WAC: variants seen among roughly 807,000 people sequenced by gnomAD.
The protein encoded by WAC is WW domain-containing adapter protein with coiled-coil.
In WAC, 11 loss-of-function variants were observed where a neutral mutation model predicts 79.6. The ratio of observed to expected loss-of-function variants is 0.14; its 90% CI spans 0.09 to 0.23. WAC has a LOEUF of 0.23. WAC is among the 10% of genes least tolerant of loss of function. The pLI, the probability that WAC is intolerant of heterozygous loss-of-function variation, is 1.00. For missense variants in WAC, 728 were observed against 773.5 expected, an observed-to-expected ratio of 0.94 and a Z score of 0.70; for synonymous variants, 304 against 276.9, an observed-to-expected ratio of 1.10 and a Z score of -0.97.
intron 3 of WAC, among the ~76,000 whole-genome samples, chr10:28,573,006 A>G (rs1162189674): frequency 6.6e-6 from 1 of 152,236 alleles, no homozygotes; most frequent in African/African-American, 2.4e-5. Flanking sequence ...CCACCTAGGT[A>G]GAGGCAAAAT....
Position 28,583,416 on chromosome 10 carries a change from C to G in WAC, c.292C>G (p.Gln98Glu). 6.3e-7 allele frequency: 1 copy of G among 1,584,774 alleles called. No homozygotes were observed. The highest frequency in any genetic ancestry group is 8.6e-7 in the Non-Finnish European group (1 of 1,169,262). ...TTTTTAAGGGACCAGTTACTCTCCA[C>G]AAGAAAATTCACACAACCACAGTGC... ...ERDGGTSYSPQENSHNHSALH... is the reference protein window; with the variant it reads ...ERDGGTSYSPEENSHNHSALH... The change falls in exon 4 of 14, where the codon CAA becomes GAA. Residue 98 changes from glutamine (Q) to glutamate (E), a missense_variant. Coordinates refer to ENST00000354911, the MANE Select transcript of WAC (RefSeq NM_016628.5).
chr10:28,533,758 CCGCG>C, intron 1 of WAC, 138 bp downstream of exon 1: 1 of 1,073,576 alleles, frequency 9.3e-7, no homozygotes, highest in East Asian at 3.0e-5. Context: ...GGAGGAGCGG[CCGCG>C]CGGGCGGGCG....
intron 3 of WAC, among the ~76,000 whole-genome samples, chr10:28,556,183 A>G (rs1024337243): frequency 6.6e-6 from 1 of 152,088 alleles, no homozygotes; most frequent in African/African-American, 2.4e-5. Context: ...TTCCACCAAT[A>G]GTGTACAAAG....
intron 7 of WAC, among the ~76,000 whole-genome samples, chr10:28,597,467 T>C (rs117950561): frequency 2.6e-3 from 402 of 152,278 alleles, no homozygotes; most frequent in Non-Finnish European, 4.2e-3. Context: ...TTTAACTCCT[T>C]TTTGAAATTC....
intron 7 of WAC, among the ~76,000 whole-genome samples, chr10:28,599,465 G>T (rs918738825): frequency 6.6e-6 from 1 of 152,178 alleles, no homozygotes; most frequent in Non-Finnish European, 1.5e-5. Flanking sequence ...TATACTACAT[G>T]TGTGTAATGG....
chr10:28,568,389 T>C (rs1838766432), intron 3 of WAC, among the ~76,000 whole-genome samples: 1 of 152,160 alleles, frequency 6.6e-6, no homozygotes, highest in Non-Finnish European at 1.5e-5. Context: ...TTTTTTGTTG[T>C]TGTTGTTTTG....
intron 3 of WAC, among the ~76,000 whole-genome samples, chr10:28,575,882 T>C (rs529900668): frequency 6.6e-6 from 1 of 152,340 alleles, no homozygotes; most frequent in South Asian, 2.1e-4. Flanking sequence ...GTACTGTGTA[T>C]GTGAAGGTGA....
intron 3 of WAC, among the ~76,000 whole-genome samples, chr10:28,545,174 G>A (rs1438947025): frequency 6.6e-6 from 1 of 151,938 alleles, no homozygotes; most frequent in African/African-American, 2.4e-5. Context: ...CAGAATCAAA[G>A]CAATAGTTGA....
At chr10:28,555,033 G>A (rs983351782) in intron 3 of WAC, among the ~76,000 whole-genome samples, 10 of 152,150 alleles carry the variant, frequency 6.6e-5, no homozygotes, top group Admixed American at 6.5e-5. Flanking sequence ...AGAATTGTGT[G>A]TTTTCCCCTC....
chr10:28,612,003 A>G, intron 10 of WAC, 81 bp downstream of exon 10: 2 of 1,518,876 alleles, frequency 1.3e-6, no homozygotes, highest in Non-Finnish European at 1.8e-6. Context: ...CTGTTATAGA[A>G]AAAGCCCTCT....
At chr10:28,605,155 C>G (rs539982651) in intron 7 of WAC, among the ~76,000 whole-genome samples, 2 of 152,268 alleles carry the variant, frequency 1.3e-5, no homozygotes, top group African/African-American at 4.8e-5. Flanking sequence ...TGTCCCTGAT[C>G]GTATCTTTAT....
intron 3 of WAC, among the ~76,000 whole-genome samples, chr10:28,550,816 T>TA (rs1002157736): frequency 6.6e-6 from 1 of 152,020 alleles, no homozygotes; most frequent in African/African-American, 2.4e-5. Context: ...ATATAAACTT[T>TA]AAAAAAAATT....
At chr10:28,546,166 A>G (rs1307677762) in intron 3 of WAC, among the ~76,000 whole-genome samples, 3 of 152,226 alleles carry the variant, frequency 2.0e-5, no homozygotes, top group Non-Finnish European at 4.4e-5. Flanking sequence ...ATGACCTACT[A>G]TTGGCGTCTT....
At chr10:28,608,045 C>T in intron 7 of WAC, 141 bp from the exon 8 acceptor site, 5 of 842,200 alleles carry the variant, frequency 5.9e-6, no homozygotes, top group Non-Finnish European at 9.3e-6. Context: ...GTTTACTGAG[C>T]ATCTTCTGTG....
intron 3 of WAC, among the ~76,000 whole-genome samples, chr10:28,570,617 C>CTGTTG (rs1211152745): frequency 6.6e-6 from 1 of 152,144 alleles, no homozygotes; most frequent in Middle Eastern, 3.2e-3. Context: ...GATCTGGGCA[C>CTGTTG]TGTTGTAATT....
intron 1 of WAC, 48 bp downstream of exon 1, chr10:28,533,668 CG>C (rs748255024): frequency 1.9e-5 from 23 of 1,217,024 alleles, no homozygotes; most frequent in Admixed American, 8.4e-5. Context: ...GGGGCGGCGG[CG>C]GGGGGGCTGT....
chr10:28,541,417 T>TG (rs1837029543), intron 3 of WAC, among the ~76,000 whole-genome samples: 1 of 73,214 alleles, frequency 1.4e-5, no homozygotes, highest in Non-Finnish European at 2.4e-5. Flanking sequence ...GTGTGTGTGT[T>TG]TTGTTTTTTT....
chr10:28,546,547 G>A (rs1589134154), intron 3 of WAC, among the ~76,000 whole-genome samples: 1 of 152,122 alleles, frequency 6.6e-6, no homozygotes, highest in Non-Finnish European at 1.5e-5. Flanking sequence ...TACCTGAATC[G>A]CAGTTATGAT....
At chr10:28,533,925 C>A in intron 1 of WAC, 73 bp from the exon 2 acceptor site, 2 of 1,550,042 alleles carry the variant, frequency 1.3e-6, no homozygotes, top group Non-Finnish European at 8.8e-7. Context: ...GCGGCGGGGG[C>A]CCCGTTTTCT....
Sources: gnomAD v4.1 joint callset for allele counts (sites outside exome capture counted in the v4.1 genomes callset) on GRCh38, gnomAD v4.1.1 for gene constraint, MANE v1.5 for transcripts, NCBI Gene and HGNC (gene_info 2026-07-23, HGNC 2026-07-21) for gene names.